The following DIPK2A variants were observed in gnomAD, a reference collection of about 807,000 sequenced individuals.
DIPK2A encodes Golgi Protein of 49 kDa.
DIPK2A carries 27 observed loss-of-function variants against 39.0 expected under a neutral mutation model. The ratio of observed to expected loss-of-function variants is 0.69; its 90% confidence interval spans 0.51 to 0.96. DIPK2A has a LOEUF of 0.96. DIPK2A is among the 40% of genes least tolerant of loss of function. The pLI is 0.00. For missense variants in DIPK2A, 528 were observed against 571.3 expected, an observed-to-expected ratio of 0.92 and a Z score of 0.77; for synonymous variants, 298 against 240.8, an observed-to-expected ratio of 1.24 and a Z score of -2.20.
intron 1 of DIPK2A, among the ~76,000 whole-genome samples, chr3:143,976,952 C>T (rs1322911001): frequency 6.6e-6 from 1 of 151,932 alleles, no homozygotes; most frequent in Non-Finnish European, 1.5e-5. Context: ...TGCATTTGAT[C>T]AGCTGTTTTG....
chr3:143,976,847 ATACATGCAAAGCACTTCACGTAG>A (rs1421512343), intron 1 of DIPK2A, among the ~76,000 whole-genome samples: 1 of 152,064 alleles, frequency 6.6e-6, no homozygotes, highest in African/African-American at 2.4e-5. Flanking sequence ...AAATGATATA[ATACATGCAAAGCACTTCACGTAG>A]TATCTGGTAA....
intron 1 of DIPK2A, among the ~76,000 whole-genome samples, chr3:143,977,879 C>G (rs1280860309): frequency 6.6e-6 from 1 of 152,074 alleles, no homozygotes; most frequent in African/African-American, 2.4e-5. Context: ...AGACAATCGC[C>G]CTTAAGAAAG....
At chr3:143,973,862 C>G (rs527891842) in intron 1 of DIPK2A, among the ~76,000 whole-genome samples, 8 of 152,036 alleles carry the variant, frequency 5.3e-5, no homozygotes, top group Non-Finnish European at 8.8e-5. Flanking sequence ...CTGGTGACAT[C>G]AAAAAGAGAA....
rs1238099170 is a variant in DIPK2A at position 143,972,668 on chromosome 3, C to T, written c.336C>T (p.Leu112=). The change falls in exon 1 of 3, where the codon CTC becomes CTT. Residue 112 remains leucine, a synonymous_variant. Coordinates refer to ENST00000315691, the MANE Select transcript of DIPK2A (RefSeq NM_173552.5). The part of the protein sequence containing the change: ...GGRRRVVLKR[L]GSQRELAQLD... ...GCCGCCGAGTGGTGCTCAAGCGCCT[C>T]GGCTCGCAGCGCGAGCTGGCGCAGC... is the stretch of plus-strand genomic sequence containing the variant. 6 of 1,608,980 alleles carry T rather than the reference C, an allele frequency of 3.7e-6. No homozygotes were observed. Among genetic ancestry groups the T allele is most frequent in the African/African-American group, 2.7e-5 (2 of 74,706 alleles).
At chr3:143,976,384 G>A (rs551543537) in intron 1 of DIPK2A, among the ~76,000 whole-genome samples, 4 of 152,058 alleles carry the variant, frequency 2.6e-5, no homozygotes, top group African/African-American at 9.6e-5. Context: ...TGGAGGAGAG[G>A]AACTATGTTG....
At chr3:143,978,955 G>A (rs577601312) in intron 1 of DIPK2A, among the ~76,000 whole-genome samples, 3 of 151,916 alleles carry the variant, frequency 2.0e-5, no homozygotes, top group African/African-American at 7.2e-5. Context: ...TTACCTAACA[G>A]GATTGTTTTA....
chr3:143,978,654 A>ATATC (rs2087778431), intron 1 of DIPK2A: 1 of 42,774 alleles, frequency 2.3e-5, no homozygotes, highest in Admixed American at 2.5e-4. Context: ...ATATATATAT[A>ATATC]TATATCTATA....
rs1406171961 is a variant in DIPK2A, at chr3:143,990,862, A to G, written c.*1021A>G. On this transcript the variant is annotated 3_prime_UTR_variant, in exon 3 of 3. Transcript: ENST00000315691. Reference sequence around the variant, plus strand: ...TTATTAAATTCAGATCTTCCTGATTATTTTTTCTGTTGAAAGTTAAACTAC... The same window carrying G: ...TTATTAAATTCAGATCTTCCTGATTGTTTTTTCTGTTGAAAGTTAAACTAC... 1 of 152,518 alleles carries G rather than the reference A, an allele frequency of 6.6e-6. No homozygotes were observed. The highest frequency in any genetic ancestry group is 1.9e-4 in the East Asian group (1 of 5,194). The allele number at this position is 152,518 out of a possible 1,614,324, so 9.4% of individuals were successfully genotyped here. A position where few individuals can be genotyped will look rare whatever the true frequency, so the allele number is the denominator to read the frequency against.
At chr3:143,985,488 G>T in intron 1 of DIPK2A, 55 bp from the exon 2 acceptor site, 1 of 1,447,278 alleles carries the variant, frequency 6.9e-7, no homozygotes, top group South Asian at 1.2e-5. Flanking sequence ...TCTGAGGATA[G>T]ACCTAGGATA....
rs146742339 is a variant in DIPK2A at position 143,972,530 on chromosome 3, C to A, written c.198C>A (p.Arg66=). The A allele has an allele frequency of 1.2e-5, 20 of 1,611,964 alleles. No homozygotes were observed. In the African/African-American group the frequency reaches 2.1e-4, roughly 17 times the overall value. Residue 66 remains arginine, a synonymous_variant, in exon 1 of 3, where the codon CGC becomes CGA. Transcript: ENST00000315691. ...GCTTCGGCACGAGCTGGTGCCGCCG[C>A]TTCCTCAACGGGCAGGTGGTATTCG... is the stretch of plus-strand genomic sequence containing the variant. ...PACFGTSWCR[R]FLNGQVVFEA...
At chr3:143,978,632 A>ATC (rs2087771487) in intron 1 of DIPK2A, 1 of 35,496 alleles carries the variant, frequency 2.8e-5, no homozygotes, top group South Asian at 7.5e-4. Context: ...CTATATATAT[A>ATC]TATATATCTA....
chr3:143,973,246 G>C (rs1319488836), intron 1 of DIPK2A: 2 of 1,172,718 alleles, frequency 1.7e-6, no homozygotes, highest in South Asian at 1.3e-5. Context: ...ATCTTTCAAC[G>C]CCAGAGGGAG....
Position 143,989,963 on chromosome 3 carries a change from C to A in DIPK2A, c.*122C>A, listed in dbSNP as rs2087957871. The stretch of plus-strand genomic sequence containing the variant: ...ACATTCAGAGGATGATAAACTTGCA[C>A]TGATAGATCTTAATGTTAACATCCA... On this transcript the variant is annotated 3_prime_UTR_variant, in exon 3 of 3. Transcript: ENST00000315691. 1.5e-6 allele frequency: 1 copy of A among 684,620 alleles called. No individual in the cohort carries two copies. Among genetic ancestry groups the A allele is most frequent in the Non-Finnish European group, 2.5e-6 (1 of 407,098 alleles). 42.4% of individuals were successfully genotyped at this position (684,620 alleles called of 1,614,324 possible). A position where few individuals can be genotyped will look rare whatever the true frequency, so the allele number is the denominator to read the frequency against.
At chr3:143,975,269 T>C (rs928572663) in intron 1 of DIPK2A, among the ~76,000 whole-genome samples, 3 of 152,106 alleles carry the variant, frequency 2.0e-5, no homozygotes, top group Non-Finnish European at 4.4e-5. Context: ...TAATATAATT[T>C]TGGGGTCTTT....
At chr3:143,978,645 T>G (rs1358701260) in intron 1 of DIPK2A, 1 of 42,030 alleles carries the variant, frequency 2.4e-5, no homozygotes, top group African/African-American at 1.8e-4. Context: ...TATATCTATA[T>G]ATATATATAT....
rs367875772 is a variant in DIPK2A at position 143,972,322 on chromosome 3, G to A, written c.-11G>A. On this transcript the variant is annotated 5_prime_UTR_variant, in exon 1 of 3. Coordinates refer to ENST00000315691, the MANE Select transcript of DIPK2A (RefSeq NM_173552.5). ...GTGCCCTCGCCCTCCCGTTGCGGGC[G>A]GGCGGGCGGTATGTGGCGCCTGGTG... 3 of 1,345,922 alleles carry A rather than the reference G, an allele frequency of 2.2e-6. No homozygotes were observed. 83.4% of individuals were successfully genotyped at this position (1,345,922 alleles called of 1,614,324 possible).
Position 143,972,764 on chromosome 3 carries a change from C to T in DIPK2A, c.432C>T (p.Thr144=), listed in dbSNP as rs1480943293. The change falls in exon 1 of 3, where the codon ACC becomes ACT. Residue 144 remains threonine (T), a synonymous_variant. Coordinates refer to ENST00000315691, the MANE Select transcript of DIPK2A (RefSeq NM_173552.5). ...RCDLLQAMPR[T]EFARLNGDVR... The stretch of plus-strand genomic sequence containing the variant: ...ACCTGCTGCAGGCCATGCCCCGGAC[C>T]GAGTTCGCGCGCCTCAACGGCGACG... 6.4e-7 allele frequency: 1 copy of T among 1,572,626 alleles called. No homozygotes were observed. Among genetic ancestry groups the T allele is most frequent in the South Asian group, 1.1e-5 (1 of 87,496 alleles).
chr3:143,985,323 A>C (rs985295517), intron 1 of DIPK2A, among the ~76,000 whole-genome samples: 2 of 152,200 alleles, frequency 1.3e-5, no homozygotes, highest in African/African-American at 2.4e-5. Context: ...TTGTCATCCT[A>C]TTTTAGCTTT....
rs2087948094 is a variant in DIPK2A at position 143,989,385 on chromosome 3, T to C, written c.962-125T>C. The stretch of plus-strand genomic sequence containing the variant: ...AATTTATATATTTAAATGTTTATGG[T>C]TATAATATACTTTTACCTAAAAGTG... On this transcript the variant is annotated intron_variant, in intron 2 of 2. Transcript: ENST00000315691. The C allele has an allele frequency of 4.7e-6, 3 of 632,158 alleles. No homozygotes were observed. The Admixed American group carries it at 9.0e-5, about 19-fold the overall frequency. The allele number at this position is 632,158 out of a possible 1,614,324, so 39.2% of individuals were successfully genotyped here. A position where few individuals can be genotyped will look rare whatever the true frequency, so the allele number is the denominator to read the frequency against.
Sources: gnomAD v4.1 joint callset for allele counts (sites outside exome capture counted in the v4.1 genomes callset) on GRCh38, gnomAD v4.1.1 for gene constraint, MANE v1.5 for transcripts, NCBI Gene and HGNC (gene_info 2026-07-23, HGNC 2026-07-21) for gene names.